The following RIMS2 variants were observed in gnomAD, a reference collection of about 807,000 sequenced individuals.
RIMS2 encodes the protein regulating synaptic membrane exocytosis 2.
A neutral mutation model predicts 174.4 loss-of-function variants in RIMS2; 59 were observed. The ratio of observed to expected loss-of-function variants is 0.34; its 90% CI spans 0.27 to 0.42. The LOEUF (loss-of-function observed/expected upper bound fraction) is 0.42. RIMS2 is among the 10% of genes least tolerant of loss of function. The probability of loss-of-function intolerance (pLI) is 1.00; values close to 1 mark genes in which losing one functional copy is unlikely to be tolerated. For synonymous variants in RIMS2, 606 were observed against 572.5 expected, an observed-to-expected ratio of 1.06 and a Z score of -0.84; for missense variants, 1,620 against 1,666.3, an observed-to-expected ratio of 0.97 and a Z score of 0.48.
At chr8:103,806,550 G>C (rs898029150) in intron 3 of RIMS2, among the ~76,000 whole-genome samples, 1 of 151,986 alleles carries the variant, frequency 6.6e-6, no homozygotes, top group African/African-American at 2.4e-5. Context: ...AGGAGGTTTA[G>C]ATTCTATTTT....
chr8:103,734,014 C>CTTTTTTTTGTTTTTTTTTT (rs2097648356), intron 2 of RIMS2, among the ~76,000 whole-genome samples: 1 of 85,740 alleles, frequency 1.2e-5, no homozygotes, highest in Non-Finnish European at 2.0e-5. Flanking sequence ...CTAAAAGCTT[C>CTTTTTTTTGTTTTTTTTTT]TTTTTTTTTT....
At chr8:103,569,013 G>A in intron 1 of RIMS2, 1 of 467,108 alleles carries the variant, frequency 2.1e-6, no homozygotes, top group Non-Finnish European at 3.9e-6. Flanking sequence ...CTTTCTTGAT[G>A]GAGGCCTTTG....
chr8:103,624,158 A>G (rs1192426312), intron 1 of RIMS2, among the ~76,000 whole-genome samples: 1 of 152,176 alleles, frequency 6.6e-6, no homozygotes, highest in Non-Finnish European at 1.5e-5. Context: ...ATTAAACATT[A>G]TCTTGAGGTG....
At chr8:104,184,572 T>C (rs1022239903) in intron 19 of RIMS2, among the ~76,000 whole-genome samples, 1 of 151,576 alleles carries the variant, frequency 6.6e-6, no homozygotes, top group Non-Finnish European at 1.5e-5. Flanking sequence ...CAAGGTGAAA[T>C]ATTTCACTAA....
intron 19 of RIMS2, among the ~76,000 whole-genome samples, chr8:104,204,034 T>A (rs967637294): frequency 6.6e-6 from 1 of 152,186 alleles, no homozygotes; most frequent in African/African-American, 2.4e-5. Context: ...CAGAAATAGT[T>A]GATGCAGAAG....
intron 1 of RIMS2, among the ~76,000 whole-genome samples, chr8:103,583,937 A>G (rs1264084020): frequency 2.6e-5 from 4 of 152,202 alleles, no homozygotes; most frequent in African/African-American, 9.6e-5. Context: ...TCCCAAACCT[A>G]TAGAAAGATA....
At chr8:103,817,310 C>T (rs1282388280) in intron 3 of RIMS2, among the ~76,000 whole-genome samples, 1 of 152,088 alleles carries the variant, frequency 6.6e-6, no homozygotes, top group East Asian at 1.9e-4. Context: ...TGAAATTGGC[C>T]ATTTTACAAT....
intron 1 of RIMS2, among the ~76,000 whole-genome samples, chr8:103,507,940 A>G (rs1586426339): frequency 6.6e-6 from 1 of 152,154 alleles, no homozygotes. Flanking sequence ...ATAAAAATGT[A>G]AAGTGTCATG....
At chr8:103,843,727 G>C (rs979369401) in intron 3 of RIMS2, among the ~76,000 whole-genome samples, 3 of 152,018 alleles carry the variant, frequency 2.0e-5, no homozygotes, top group Non-Finnish European at 4.4e-5. Context: ...TTCTCTTATA[G>C]GAATGAGTTT....
intron 17 of RIMS2, among the ~76,000 whole-genome samples, chr8:104,004,133 A>T (rs552055401): frequency 6.6e-6 from 1 of 152,282 alleles, no homozygotes; most frequent in African/African-American, 2.4e-5. Flanking sequence ...AGCTAAGAGG[A>T]AATATCTAGC....
intron 3 of RIMS2, among the ~76,000 whole-genome samples, chr8:103,786,342 A>G (rs2098443575): frequency 6.6e-6 from 1 of 151,722 alleles, no homozygotes; most frequent in Admixed American, 6.6e-5. Context: ...TTGCTTTTCT[A>G]GTTCTTTTAA....
At chr8:103,956,268 A>G (rs1243073549) in intron 14 of RIMS2, among the ~76,000 whole-genome samples, 3 of 151,996 alleles carry the variant, frequency 2.0e-5, no homozygotes, top group African/African-American at 7.2e-5. Flanking sequence ...TTCATATGGA[A>G]CCAAAAAAGA....
intron 19 of RIMS2, among the ~76,000 whole-genome samples, chr8:104,241,790 T>A (rs1162070347): frequency 6.6e-6 from 1 of 152,106 alleles, no homozygotes; most frequent in Middle Eastern, 3.2e-3. Context: ...GACACAGTCT[T>A]GCTCTGTCAC....
chr8:103,688,305 G>A (rs1483766103), intron 1 of RIMS2, among the ~76,000 whole-genome samples: 1 of 151,940 alleles, frequency 6.6e-6, no homozygotes, highest in Non-Finnish European at 1.5e-5. Flanking sequence ...TATCATGAAA[G>A]GATATTGAAT....
chr8:103,536,834 G>A (rs1205902118), intron 1 of RIMS2, among the ~76,000 whole-genome samples: 1 of 152,104 alleles, frequency 6.6e-6, no homozygotes, highest in Non-Finnish European at 1.5e-5. Context: ...TTTAGGTTGG[G>A]ACATAGATCC....
chr8:104,175,822 T>A (rs779481071), intron 19 of RIMS2, among the ~76,000 whole-genome samples: 3 of 152,184 alleles, frequency 2.0e-5, no homozygotes, highest in Non-Finnish European at 2.9e-5. Context: ...CCCAGTAATC[T>A]CTAAAGATGC....
intron 2 of RIMS2, among the ~76,000 whole-genome samples, chr8:103,751,989 C>T (rs2097899460): frequency 6.6e-6 from 1 of 152,006 alleles, no homozygotes; most frequent in Admixed American, 6.6e-5. Flanking sequence ...CTTTTGTTGC[C>T]ATTGCTTTTG....
chr8:103,823,904 A>T (rs984730864), intron 3 of RIMS2, among the ~76,000 whole-genome samples: 2 of 152,042 alleles, frequency 1.3e-5, no homozygotes, highest in African/African-American at 4.8e-5. Context: ...TCTAATATAC[A>T]CATTTTATGT....
intron 19 of RIMS2, among the ~76,000 whole-genome samples, chr8:104,160,098 C>A (rs1487400534): frequency 1.3e-5 from 2 of 151,256 alleles, no homozygotes; most frequent in African/African-American, 4.9e-5. Context: ...GAGATGGTGC[C>A]ACTGCACTCC....
Sources: allele counts gnomAD v4.1 joint callset (sites outside exome capture counted in the v4.1 genomes callset), GRCh38; gene constraint gnomAD v4.1.1; transcripts MANE v1.5; gene names NCBI Gene and HGNC (gene_info 2026-07-23, HGNC 2026-07-21).